SLC1A1: variants seen among roughly 807,000 people sequenced by gnomAD.
The protein encoded by SLC1A1 is excitatory amino acid transporter 3.
In SLC1A1, 43 loss-of-function variants were observed where a neutral mutation model predicts 53.3. That is an observed-to-expected ratio of 0.81 (90% CI 0.63 to 1.04). The LOEUF is 1.04. SLC1A1 is among the 50% of genes least tolerant of loss of function. The probability of loss-of-function intolerance (pLI) is 0.00; values close to 1 mark genes in which losing one functional copy is unlikely to be tolerated. For missense variants in SLC1A1, 748 were observed against 664.9 expected, an observed-to-expected ratio of 1.12 and a Z score of -1.37; for synonymous variants, 307 against 243.2, an observed-to-expected ratio of 1.26 and a Z score of -2.44.
intron 1 of SLC1A1, among the ~76,000 whole-genome samples, chr9:4,515,321 A>G (rs1244881061): frequency 3.3e-5 from 5 of 152,178 alleles, no homozygotes; most frequent in African/African-American, 7.2e-5. Context: ...TCTGATGGGA[A>G]GAGTATCAGA....
intron 1 of SLC1A1, among the ~76,000 whole-genome samples, chr9:4,497,118 G>A (rs1253389152): frequency 6.6e-6 from 1 of 151,600 alleles, no homozygotes; most frequent in Admixed American, 6.6e-5. Flanking sequence ...CAAACCGGGT[G>A]GTTTTAAAAA....
In SLC1A1 at chr9:4,572,268, T is replaced by A; in HGVS notation, c.647T>A (p.Ile216Asn). 1 of 1,614,164 alleles carries A rather than the reference T, an allele frequency of 6.2e-7. No individual in the cohort carries two copies. Among genetic ancestry groups the A allele is most frequent in the Non-Finnish European group, 8.5e-7 (1 of 1,179,980 alleles). ...GATGGCATAAACGTCCTGGGCTTGA[T>A]TGTCTTTTGCCTTGTCTTTGGACTT... ...YSDGINVLGL[I>N]VFCLVFGLVI... is the part of the protein sequence containing the mutation. Residue 216 changes from isoleucine to asparagine, a missense_variant, in exon 7 of 12, where the codon ATT becomes AAT. Physicochemically the swap from Ile to Asn is moderately radical, Grantham distance 149 (BLOSUM62 -3). Coordinates refer to ENST00000262352, the MANE Select transcript of SLC1A1 (RefSeq NM_004170.6).
chr9:4,525,927 A>G (rs1188700425), intron 1 of SLC1A1, among the ~76,000 whole-genome samples: 1 of 152,226 alleles, frequency 6.6e-6, no homozygotes, highest in Non-Finnish European at 1.5e-5. Flanking sequence ...ATTTAGAACT[A>G]AACAAAAGTA....
chr9:4,498,230 C>T (rs1820507564), intron 1 of SLC1A1, among the ~76,000 whole-genome samples: 1 of 152,136 alleles, frequency 6.6e-6, no homozygotes, highest in Non-Finnish European at 1.5e-5. Flanking sequence ...GACATTGAGT[C>T]AACTGTTCTG....
At chr9:4,511,133 C>T (rs1820984937) in intron 1 of SLC1A1, among the ~76,000 whole-genome samples, 1 of 152,208 alleles carries the variant, frequency 6.6e-6, no homozygotes, top group Non-Finnish European at 1.5e-5. Context: ...ACAGAAATCA[C>T]TTTAAAAACT....
intron 1 of SLC1A1, among the ~76,000 whole-genome samples, chr9:4,534,977 T>C (rs1433772670): frequency 6.6e-6 from 1 of 152,210 alleles, no homozygotes; most frequent in Non-Finnish European, 1.5e-5. Context: ...TCTTAATAGA[T>C]GCAGAAAAGG....
intron 1 of SLC1A1, among the ~76,000 whole-genome samples, chr9:4,518,039 C>A (rs1815922680): frequency 6.6e-6 from 1 of 151,762 alleles, no homozygotes; most frequent in Admixed American, 6.6e-5. Context: ...ACCAGCCTGG[C>A]CAACATGGGG....
chr9:4,531,803 C>A (rs1010670055), intron 1 of SLC1A1, among the ~76,000 whole-genome samples: 3 of 152,182 alleles, frequency 2.0e-5, no homozygotes, highest in African/African-American at 2.4e-5. Context: ...GGGAGGCACC[C>A]CCCAGTAGGG....
intron 7 of SLC1A1, among the ~76,000 whole-genome samples, chr9:4,573,467 T>A (rs1338740790): frequency 1.3e-5 from 2 of 152,210 alleles, no homozygotes; most frequent in South Asian, 4.1e-4. Flanking sequence ...AGAGCTATTA[T>A]GATCACTTCC....
intron 8 of SLC1A1, 132 bp from the exon 9 acceptor site, chr9:4,575,869 C>T: frequency 1.0e-6 from 1 of 961,786 alleles, no homozygotes; most frequent in African/African-American, 1.6e-5. Flanking sequence ...TATTCCTGCC[C>T]TACTCCCATT....
At chr9:4,557,807 C>T (rs1818562079) in intron 2 of SLC1A1, among the ~76,000 whole-genome samples, 1 of 152,100 alleles carries the variant, frequency 6.6e-6, no homozygotes, top group South Asian at 2.1e-4. Context: ...AATTTTGTAG[C>T]ACATGGATAG....
intron 2 of SLC1A1, among the ~76,000 whole-genome samples, chr9:4,544,977 A>C (rs745699466): frequency 1.3e-5 from 2 of 152,180 alleles, no homozygotes; most frequent in South Asian, 2.1e-4. Context: ...CTCACTCACT[A>C]TCACGAGAAC....
Position 4,567,678 on chromosome 9 carries a change from A to G in SLC1A1, c.493A>G (p.Lys165Glu). ...TTTCTCCAACATGCAGTACAAAACT[A>G]AGCGTGAAGAAGTGAAGCCTCCCAG... ...VQACFQQYKT[K>E]REEVKPPSDP... is the part of the protein sequence containing the mutation. Residue 165 changes from lysine to glutamate, a missense_variant, in exon 6 of 12, where the codon AAG (lysine) becomes GAG (glutamate). Physicochemically the swap from Lys to Glu is moderately conservative, Grantham distance 56. Transcript: ENST00000262352. 6.2e-7 allele frequency: 1 copy of G among 1,609,844 alleles called. No individual in the cohort carries two copies. Among genetic ancestry groups the G allele is most frequent in the Non-Finnish European group, 8.5e-7 (1 of 1,176,344 alleles).
chr9:4,531,138 A>G (rs909046608), intron 1 of SLC1A1, among the ~76,000 whole-genome samples: 2 of 152,192 alleles, frequency 1.3e-5, no homozygotes, highest in African/African-American at 4.8e-5. Flanking sequence ...AGTGACTCAG[A>G]AGATGGGTGA....
At chr9:4,534,062 G>T (rs975822236) in intron 1 of SLC1A1, among the ~76,000 whole-genome samples, 24 of 152,174 alleles carry the variant, frequency 1.6e-4, no homozygotes, top group Non-Finnish European at 3.2e-4. Context: ...TCAAAGCAGT[G>T]TGTAGAGGGA....
At chr9:4,525,511 A>C (rs2130840039) in intron 1 of SLC1A1, among the ~76,000 whole-genome samples, 1 of 152,292 alleles carries the variant, frequency 6.6e-6, no homozygotes, top group African/African-American at 2.4e-5. Flanking sequence ...ATTACACAGG[A>C]AAAGACCCAG....
Position 4,567,666 on chromosome 9 carries a change from C to A in SLC1A1, c.484-3C>A. On this transcript the variant is annotated splice_polypyrimidine_tract_variant and splice_region_variant and intron_variant, in intron 5 of 11. Coordinates refer to ENST00000262352, the MANE Select transcript of SLC1A1 (RefSeq NM_004170.6). ...CTTGTCCTTGATTTTCTCCAACATG[C>A]AGTACAAAACTAAGCGTGAAGAAGT... 1.3e-6 allele frequency: 2 copies of A among 1,593,188 alleles called. No homozygotes were observed. Among genetic ancestry groups the A allele is most frequent in the Non-Finnish European group, 1.7e-6 (2 of 1,161,484 alleles).
intron 1 of SLC1A1, among the ~76,000 whole-genome samples, chr9:4,539,218 T>G (rs905588718): frequency 6.6e-6 from 1 of 152,192 alleles, no homozygotes; most frequent in African/African-American, 2.4e-5. Context: ...AGGTTAATTT[T>G]ATAACTGTAA....
At chr9:4,495,250 G>C (rs887559361) in intron 1 of SLC1A1, among the ~76,000 whole-genome samples, 3 of 152,142 alleles carry the variant, frequency 2.0e-5, no homozygotes, top group Non-Finnish European at 4.4e-5. Context: ...ATAGAACCTT[G>C]GCTCAGCAGT....
Sources: allele counts gnomAD v4.1 joint callset (sites outside exome capture counted in the v4.1 genomes callset), GRCh38; gene constraint gnomAD v4.1.1; transcripts MANE v1.5; gene names NCBI Gene and HGNC (gene_info 2026-07-23, HGNC 2026-07-21).